LPP: variants seen among roughly 807,000 people sequenced by gnomAD.
LPP encodes the protein LIM domain containing preferred translocation partner in lipoma.
In LPP, 38 loss-of-function variants were observed where a neutral mutation model predicts 60.4. That is an observed-to-expected ratio of 0.63 (90% confidence interval 0.49 to 0.83). The LOEUF (loss-of-function observed/expected upper bound fraction) is 0.83. Ranked by LOEUF, LPP falls within the 40% of genes least tolerant of loss-of-function variation. The pLI, the probability that LPP is intolerant of heterozygous loss-of-function variation, is 0.00. For synonymous variants in LPP, 328 were observed against 290.8 expected (o/e 1.13, Z -1.30); for missense variants, 902 against 783.6 (o/e 1.15, Z -1.80).
At chr3:188,615,118 TC>T (rs1318125226) in intron 7 of LPP, among the ~76,000 whole-genome samples, 1 of 152,252 alleles carries the variant, frequency 6.6e-6, no homozygotes, top group African/African-American at 2.4e-5. Flanking sequence ...TGGTACCTTA[TC>T]ATTAATTGCC....
At chr3:188,729,757 G>A (rs1438272192) in intron 8 of LPP, among the ~76,000 whole-genome samples, 1 of 151,728 alleles carries the variant, frequency 6.6e-6, no homozygotes, top group African/African-American at 2.4e-5. Context: ...TGGGAGGATT[G>A]CTTGAGCCCT....
At chr3:188,681,867 G>A (rs1859604012) in intron 7 of LPP, among the ~76,000 whole-genome samples, 1 of 152,160 alleles carries the variant, frequency 6.6e-6, no homozygotes, top group Non-Finnish European at 1.5e-5. Context: ...CATATTGTTT[G>A]TCTCTCACAC....
At chr3:188,362,371 T>A (rs112468035) in intron 3 of LPP, among the ~76,000 whole-genome samples, 1 of 152,130 alleles carries the variant, frequency 6.6e-6, no homozygotes, top group Non-Finnish European at 1.5e-5. Flanking sequence ...TTTGTGTTTG[T>A]CTTCTTCTTT....
At chr3:188,309,168 G>A (rs751778812) in intron 2 of LPP, among the ~76,000 whole-genome samples, 31 of 151,716 alleles carry the variant, frequency 2.0e-4, no homozygotes, top group Admixed American at 3.3e-4. Flanking sequence ...TTATAGACGT[G>A]CATGACCATG....
chr3:188,733,601 T>C (rs1335744397), intron 8 of LPP, among the ~76,000 whole-genome samples: 1 of 152,234 alleles, frequency 6.6e-6, no homozygotes, highest in Non-Finnish European at 1.5e-5. Context: ...TTGTTGCTAC[T>C]GTGCAATCTT....
At chr3:188,215,313 G>GAAAAAA (rs139192964) in intron 1 of LPP, among the ~76,000 whole-genome samples, 1 of 133,286 alleles carries the variant, frequency 7.5e-6, no homozygotes, top group Non-Finnish European at 1.6e-5. Flanking sequence ...CTCAGAAAAA[G>GAAAAAA]AAAAAAAAAA....
intron 6 of LPP, among the ~76,000 whole-genome samples, chr3:188,586,192 A>C (rs1257182631): frequency 1.3e-5 from 2 of 152,150 alleles, no homozygotes; most frequent in African/African-American, 2.4e-5. Flanking sequence ...TTTTACGTTG[A>C]GTGCAGTGTT....
intron 2 of LPP, among the ~76,000 whole-genome samples, chr3:188,239,310 G>T (rs1291688606): frequency 2.0e-5 from 3 of 152,302 alleles, no homozygotes; most frequent in African/African-American, 7.2e-5. Flanking sequence ...TTTTGCGGAT[G>T]AATTTAATAC....
intron 9 of LPP, among the ~76,000 whole-genome samples, chr3:188,824,327 T>C (rs1754798810): frequency 6.6e-6 from 1 of 152,222 alleles, no homozygotes; most frequent in African/African-American, 2.4e-5. Flanking sequence ...TATATGATAG[T>C]TACCAGCCAC....
At chr3:188,522,784 AATATATATATATATATAT>A (rs61033243) in intron 5 of LPP, among the ~76,000 whole-genome samples, 12 of 125,312 alleles carry the variant, frequency 9.6e-5, no homozygotes, top group East Asian at 6.9e-4. Context: ...GATAATATGA[AATATATATATATATATAT>A]ATATATATAT....
intron 3 of LPP, among the ~76,000 whole-genome samples, chr3:188,367,146 T>C (rs1310753579): frequency 6.6e-6 from 1 of 152,126 alleles, no homozygotes; most frequent in Non-Finnish European, 1.5e-5. Flanking sequence ...TCCACCCACC[T>C]TGGCCTCCCA....
intron 3 of LPP, among the ~76,000 whole-genome samples, chr3:188,344,637 A>G (rs1269752550): frequency 6.6e-6 from 1 of 152,216 alleles, no homozygotes; most frequent in African/African-American, 2.4e-5. Flanking sequence ...ATCATAGGAC[A>G]GTCCTATGAC....
chr3:188,204,941 C>G (rs930451420), intron 1 of LPP, among the ~76,000 whole-genome samples: 3 of 152,134 alleles, frequency 2.0e-5, no homozygotes, highest in African/African-American at 7.2e-5. Context: ...TCCAGTAACT[C>G]TTGCTTGCTA....
chr3:188,596,819 C>T (rs1448975237), intron 6 of LPP, among the ~76,000 whole-genome samples: 20 of 152,204 alleles, frequency 1.3e-4, no homozygotes, highest in Admixed American at 4.6e-4. Flanking sequence ...AATATGTGAA[C>T]GAGGGTCTGT....
At chr3:188,278,116 CT>C (rs1740634968) in intron 2 of LPP, among the ~76,000 whole-genome samples, 1 of 152,268 alleles carries the variant, frequency 6.6e-6, no homozygotes, top group Non-Finnish European at 1.5e-5. Context: ...AAATTGCTTT[CT>C]ATTGTTCATT....
At chr3:188,621,036 G>A (rs756955178) in intron 7 of LPP, among the ~76,000 whole-genome samples, 4 of 152,012 alleles carry the variant, frequency 2.6e-5, no homozygotes, top group Non-Finnish European at 5.9e-5. Flanking sequence ...GGGTTGATGG[G>A]TGCAGAAAAC....
chr3:188,423,800 G>GTT (rs746287946), intron 4 of LPP, among the ~76,000 whole-genome samples: 1 of 149,222 alleles, frequency 6.7e-6, no homozygotes, highest in East Asian at 2.0e-4. Flanking sequence ...TGATGGCATT[G>GTT]TTTGTTTTTT....
At chr3:188,462,544 T>TTATATATA (rs71167102) in intron 4 of LPP, among the ~76,000 whole-genome samples, 8 of 34,184 alleles carry the variant, frequency 2.3e-4, no homozygotes, top group South Asian at 1.5e-3. Context: ...TATATGAGCT[T>TTATATATA]TATATATATA....
chr3:188,421,883 C>T (rs1787901909), intron 4 of LPP, among the ~76,000 whole-genome samples: 1 of 152,138 alleles, frequency 6.6e-6, no homozygotes, highest in African/African-American at 2.4e-5. Flanking sequence ...CGTGATCTTA[C>T]AGTCAAAAAG....
Sources: allele counts gnomAD v4.1 joint callset (sites outside exome capture counted in the v4.1 genomes callset), GRCh38; gene constraint gnomAD v4.1.1; transcripts MANE v1.5; gene names NCBI Gene and HGNC (gene_info 2026-07-23, HGNC 2026-07-21).